Variants in GKAP1 observed in about 807,000 individuals in gnomAD.
GKAP1 encodes G kinase anchoring protein 1.
GKAP1 carries 31 observed loss-of-function variants against 56.7 expected under a neutral mutation model. The observed-to-expected ratio is 0.55, with a 90% CI of 0.41 to 0.74. The LOEUF is 0.74. Among genes scored for constraint, GKAP1 ranks in the 30% least tolerant of loss-of-function variants. GKAP1 has a pLI of 0.00. For missense variants in GKAP1, 364 were observed against 402.3 expected (o/e 0.90, Z 0.82); for synonymous variants, 151 against 138.6 (o/e 1.09, Z -0.63).
At chr9:83,772,355 G>C (rs1262321508) in intron 7 of GKAP1, among the ~76,000 whole-genome samples, 2 of 152,114 alleles carry the variant, frequency 1.3e-5, no homozygotes, top group Admixed American at 6.5e-5. Context: ...AAGGATATAA[G>C]AGTGTTGTGC....
intron 10 of GKAP1, among the ~76,000 whole-genome samples, chr9:83,745,446 T>G (rs1943277014): frequency 6.6e-6 from 1 of 152,222 alleles, no homozygotes; most frequent in African/African-American, 2.4e-5. Flanking sequence ...CATGTAATGA[T>G]CCTATATAAA....
intron 12 of GKAP1, among the ~76,000 whole-genome samples, chr9:83,741,467 ATAGAGT>A (rs1943207384): frequency 6.6e-6 from 1 of 152,120 alleles, no homozygotes; most frequent in African/African-American, 2.4e-5. Flanking sequence ...AGAAGAAATG[ATAGAGT>A]TAGAAAATCA....
At chr9:83,754,727 G>T (rs1039100543) in intron 8 of GKAP1, among the ~76,000 whole-genome samples, 1 of 152,174 alleles carries the variant, frequency 6.6e-6, no homozygotes, top group Non-Finnish European at 1.5e-5. Context: ...GATCCTGGAG[G>T]GCCTTGAAGG....
chr9:83,774,702 CTTT>C (rs1168792305), intron 7 of GKAP1, among the ~76,000 whole-genome samples: 1 of 104,902 alleles, frequency 9.5e-6, no homozygotes, highest in Non-Finnish European at 1.8e-5. Flanking sequence ...CAGAAACCCC[CTTT>C]TTTTTTTTTT....
At chr9:83,807,706 T>C (rs1944458081) in intron 2 of GKAP1, among the ~76,000 whole-genome samples, 1 of 152,252 alleles carries the variant, frequency 6.6e-6, no homozygotes. Flanking sequence ...ACAGTGATCA[T>C]ATTTGAATGA....
intron 7 of GKAP1, among the ~76,000 whole-genome samples, chr9:83,778,657 C>T (rs1943901962): frequency 6.6e-6 from 1 of 151,092 alleles, no homozygotes; most frequent in African/African-American, 2.4e-5. Flanking sequence ...CAAAATTTAC[C>T]TATATAATAA....
At chr9:83,809,979 T>C (rs1211642356) in intron 2 of GKAP1, among the ~76,000 whole-genome samples, 1 of 152,056 alleles carries the variant, frequency 6.6e-6, no homozygotes, top group Non-Finnish European at 1.5e-5. Flanking sequence ...GGCTAATTTT[T>C]TCTATTTTTT....
intron 7 of GKAP1, among the ~76,000 whole-genome samples, chr9:83,774,072 A>G (rs1157560013): frequency 1.3e-5 from 2 of 151,718 alleles, no homozygotes; most frequent in African/African-American, 2.4e-5. Context: ...GTTTCACCAC[A>G]TTGGCCAGGC....
At chr9:83,786,541 CA>C (rs57485843) in intron 5 of GKAP1, among the ~76,000 whole-genome samples, 77,650 of 134,908 alleles carry the variant, frequency 0.58, 21,381 homozygotes, top group Admixed American at 0.71. Context: ...AACTCTGTCT[CA>C]AAAAAAAAAA....
intron 7 of GKAP1, among the ~76,000 whole-genome samples, chr9:83,773,393 CTA>C (rs1451526348): frequency 6.6e-6 from 1 of 152,068 alleles, no homozygotes; most frequent in Non-Finnish European, 1.5e-5. Flanking sequence ...CTACAAATGG[CTA>C]TGAGGGAATT....
At chr9:83,771,096 C>A (rs762591210) in intron 7 of GKAP1, among the ~76,000 whole-genome samples, 1 of 152,072 alleles carries the variant, frequency 6.6e-6, no homozygotes, top group Admixed American at 6.5e-5. Flanking sequence ...GACAGTCTCA[C>A]TCTCACCCAG....
intron 2 of GKAP1, among the ~76,000 whole-genome samples, chr9:83,812,979 T>C (rs1944533254): frequency 6.6e-6 from 1 of 151,890 alleles, no homozygotes; most frequent in Non-Finnish European, 1.5e-5. Flanking sequence ...CTCTGTAACT[T>C]TTTTTTTAAT....
At position 83,753,340 on chromosome 9, in the gene GKAP1, C is replaced by T. The variant is rs781393577; in HGVS notation, c.758G>A (p.Gly253Glu). The change falls in exon 9 of 13, where the codon GGA becomes GAA. Residue 253 changes from glycine to glutamate, a missense_variant. Coordinates refer to ENST00000376371, the MANE Select transcript of GKAP1 (RefSeq NM_025211.4). ...EHNQEVVLKD[G>E]RIERLKLELE... is the part of the protein sequence containing the mutation. ...CTCTAACTTTAGTCTTTCAATTCTT[C>T]CATCTTTCAGAACCACTTCCTGAAA... The T allele has an allele frequency of 1.2e-6, 2 of 1,603,830 alleles. No individual in the cohort carries two copies. Among genetic ancestry groups the T allele is most frequent in the Non-Finnish European group, 1.7e-6 (2 of 1,171,678 alleles).
At chr9:83,811,733 A>T (rs1205379761) in intron 2 of GKAP1, among the ~76,000 whole-genome samples, 2 of 152,192 alleles carry the variant, frequency 1.3e-5, no homozygotes, top group Non-Finnish European at 2.9e-5. Context: ...AAGTGCAAAA[A>T]GAGTAAGACA....
intron 2 of GKAP1, among the ~76,000 whole-genome samples, chr9:83,815,857 T>C (rs916242855): frequency 3.3e-5 from 5 of 152,090 alleles, no homozygotes; most frequent in Non-Finnish European, 7.4e-5. Flanking sequence ...GTTCTTCAGA[T>C]AACCAAACAG....
chr9:83,778,529 A>G (rs548862194), intron 7 of GKAP1, among the ~76,000 whole-genome samples: 1 of 152,242 alleles, frequency 6.6e-6, no homozygotes, highest in South Asian at 2.1e-4. Context: ...AACAAGACAC[A>G]CTGGGGCTTA....
At chr9:83,791,410 A>G (rs1316404407) in intron 4 of GKAP1, among the ~76,000 whole-genome samples, 1 of 152,210 alleles carries the variant, frequency 6.6e-6, no homozygotes, top group Non-Finnish European at 1.5e-5. Context: ...CTCAAAAAAA[A>G]AAAAAGGAAA....
intron 2 of GKAP1, among the ~76,000 whole-genome samples, chr9:83,814,988 G>A (rs1407547552): frequency 1.3e-5 from 2 of 151,736 alleles, no homozygotes; most frequent in Non-Finnish European, 2.9e-5. Flanking sequence ...CCTGGCCAAC[G>A]TAGTGAAACC....
rs749922734 is a variant in GKAP1, at chr9:83,784,750, G to A, written c.527C>T (p.Pro176Leu). 1.9e-6 allele frequency: 3 copies of A among 1,601,594 alleles called. No homozygotes were observed. Among genetic ancestry groups the A allele is most frequent in the African/African-American group, 1.3e-5 (1 of 74,516 alleles). The change falls in exon 6 of 13, where the codon CCT (proline) becomes CTT (leucine). Residue 176 changes from proline (P) to leucine (L), a missense_variant. Physicochemically the swap from Pro to Leu is moderately conservative, Grantham distance 98. Coordinates refer to ENST00000376371, the MANE Select transcript of GKAP1 (RefSeq NM_025211.4). Reference protein sequence around the residue: ...KRKNHQGKDRPLTVSLKDFHS... With the variant: ...KRKNHQGKDRLLTVSLKDFHS... Reference sequence around the variant, plus strand: ...AAAATCTTTTAGTGATACTGTGAGAGGTCTGTCTTTTCCCTGATGATTCTT... The same window carrying A: ...AAAATCTTTTAGTGATACTGTGAGAAGTCTGTCTTTTCCCTGATGATTCTT...
Sources: gnomAD v4.1 joint callset for allele counts (sites outside exome capture counted in the v4.1 genomes callset) on GRCh38, gnomAD v4.1.1 for gene constraint, MANE v1.5 for transcripts, NCBI Gene and HGNC (gene_info 2026-07-23, HGNC 2026-07-21) for gene names.